The following GRXCR1 variants were observed in gnomAD, a reference collection of about 807,000 sequenced individuals.
GRXCR1 encodes glutaredoxin and cysteine rich domain containing 1.
GRXCR1 carries 27 observed loss-of-function variants against 27.3 expected under a neutral mutation model. That is an observed-to-expected ratio of 0.99 (90% CI 0.73 to 1.37). The LOEUF is 1.37. GRXCR1 is among the 40% of genes most tolerant of loss of function. GRXCR1 has a pLI of 0.00. For synonymous variants in GRXCR1, 122 were observed against 131.1 expected, an observed-to-expected ratio of 0.93 and a Z score of 0.47; for missense variants, 379 against 354.4, an observed-to-expected ratio of 1.07 and a Z score of -0.56.
At chr4:42,896,416 T>G (rs1182739689) in intron 1 of GRXCR1, among the ~76,000 whole-genome samples, 2 of 144,720 alleles carry the variant, frequency 1.4e-5, no homozygotes, top group Non-Finnish European at 3.1e-5. Flanking sequence ...TTAAAGGTAG[T>G]GATGAACCAG....
At chr4:42,999,769 CAG>C (rs899237526) in intron 2 of GRXCR1, among the ~76,000 whole-genome samples, 3 of 152,210 alleles carry the variant, frequency 2.0e-5, no homozygotes, top group African/African-American at 7.2e-5. Flanking sequence ...AATTCACTAA[CAG>C]TATCTAAAAA....
chr4:42,963,006 C>G lies in GRXCR1; in HGVS notation c.499C>G (p.Arg167Gly), dbSNP rs192948915. 1 of 1,612,806 alleles carries G rather than the reference C, an allele frequency of 6.2e-7. No homozygotes were observed. Among genetic ancestry groups the G allele is most frequent in the Non-Finnish European group, 8.5e-7 (1 of 1,179,158 alleles). The stretch of plus-strand genomic sequence containing the variant: ...GGTTAGAAAGATTTTCCAAAACCAT[C>G]GCGTAAAATTTGAAGAGAAAAACAT... The part of the protein sequence containing the change: ...ELVRKIFQNH[R>G]VKFEEKNIAL... The change falls in exon 2 of 4, where the codon CGC becomes GGC. Residue 167 changes from arginine (R) to glycine (G), a missense_variant. By Grantham distance (125) the Arg-to-Gly change is moderately radical. Coordinates refer to ENST00000399770, the MANE Select transcript of GRXCR1 (RefSeq NM_001080476.3).
At chr4:42,996,255 A>G (rs1196619583) in intron 2 of GRXCR1, among the ~76,000 whole-genome samples, 4 of 152,192 alleles carry the variant, frequency 2.6e-5, no homozygotes, top group African/African-American at 9.6e-5. Flanking sequence ...TTGAACATAA[A>G]TAAAGTTACG....
chr4:42,937,633 A>G (rs1747490962), intron 1 of GRXCR1, among the ~76,000 whole-genome samples: 1 of 152,028 alleles, frequency 6.6e-6, no homozygotes, highest in East Asian at 1.9e-4. Flanking sequence ...CCATTACCAC[A>G]TGGATGATTC....
intron 3 of GRXCR1, among the ~76,000 whole-genome samples, chr4:43,025,208 G>T (rs941645416): frequency 1.3e-5 from 2 of 151,684 alleles, no homozygotes; most frequent in African/African-American, 4.8e-5. Flanking sequence ...TGTCGTTTTT[G>T]TCCTTTGTTA....
intron 1 of GRXCR1, among the ~76,000 whole-genome samples, chr4:42,962,336 G>A (rs1010518113): frequency 2.0e-5 from 3 of 151,928 alleles, no homozygotes; most frequent in East Asian, 1.9e-4. Context: ...CTCACTACAT[G>A]TGGGAGCCCT....
At chr4:42,948,835 G>A (rs1747806794) in intron 1 of GRXCR1, among the ~76,000 whole-genome samples, 1 of 152,054 alleles carries the variant, frequency 6.6e-6, no homozygotes, top group South Asian at 2.1e-4. Context: ...ACAGAATGGG[G>A]GACCCTTTAG....
At chr4:42,937,312 G>C (rs551003730) in intron 1 of GRXCR1, among the ~76,000 whole-genome samples, 1 of 150,418 alleles carries the variant, frequency 6.6e-6, no homozygotes, top group African/African-American at 2.5e-5. Flanking sequence ...GTACTTTCTG[G>C]CAATGTAAGA....
chr4:42,893,867 C>T (rs1380486353), intron 1 of GRXCR1, among the ~76,000 whole-genome samples: 4 of 152,170 alleles, frequency 2.6e-5, no homozygotes, highest in Non-Finnish European at 5.9e-5. Context: ...AAATTTCTAA[C>T]ACATAAGTGG....
In GRXCR1 at chr4:42,906,444, A is replaced by G. The variant is rs548241633; in HGVS notation, c.384+12794A>G. Among the ~76,000 whole-genome samples the G allele has an allele frequency of 8.5e-5, 13 of 152,322 alleles. No homozygotes were observed. In the South Asian group the frequency reaches 2.7e-3, roughly 32 times the overall value. The stretch of plus-strand genomic sequence containing the variant: ...TATAAAACACAGTGACTACAGAGCC[A>G]CAGCAGTCATTCCCACAGCTCTTTC... On this transcript the variant is annotated intron_variant, in intron 1 of 3. Transcript: ENST00000399770.
intron 2 of GRXCR1, among the ~76,000 whole-genome samples, chr4:42,992,026 C>T (rs1711991275): frequency 6.6e-6 from 1 of 152,154 alleles, no homozygotes; most frequent in Non-Finnish European, 1.5e-5. Context: ...CTTAAAGCAT[C>T]TGACATGTGG....
At chr4:43,023,737 C>T (rs1014315591) in intron 3 of GRXCR1, among the ~76,000 whole-genome samples, 1 of 152,122 alleles carries the variant, frequency 6.6e-6, no homozygotes, top group African/African-American at 2.4e-5. Context: ...CCCAGGCATA[C>T]ATAAATATTT....
chr4:42,908,267 G>T (rs1014773975), intron 1 of GRXCR1, among the ~76,000 whole-genome samples: 2 of 152,262 alleles, frequency 1.3e-5, no homozygotes, highest in East Asian at 3.9e-4. Flanking sequence ...TGAGTATGAC[G>T]GTATACATGT....
Position 42,984,184 on chromosome 4 carries a change from C to T in GRXCR1, c.627+21050C>T, listed in dbSNP as rs532091348. On this transcript the variant is annotated intron_variant, in intron 2 of 3. Coordinates refer to ENST00000399770, the MANE Select transcript of GRXCR1 (RefSeq NM_001080476.3). Reference sequence around the variant, plus strand: ...TCTATTCTGCTATTAATGCCTCTATCGCATTTTTCATTTTGCTCATTGTAT... The same window carrying T: ...TCTATTCTGCTATTAATGCCTCTATTGCATTTTTCATTTTGCTCATTGTAT... Among the ~76,000 whole-genome samples the T allele has an allele frequency of 2.6e-4, 40 of 152,268 alleles. No homozygotes were observed. The South Asian group carries it at 2.7e-3, about 10-fold the overall frequency.
intron 1 of GRXCR1, among the ~76,000 whole-genome samples, chr4:42,914,741 T>C (rs1383185071): frequency 6.6e-6 from 1 of 152,162 alleles, no homozygotes; most frequent in Admixed American, 6.5e-5. Flanking sequence ...TGAATTGTAA[T>C]AATCCCCATG....
chr4:42,998,020 C>T (rs923991510), intron 2 of GRXCR1, among the ~76,000 whole-genome samples: 2 of 152,138 alleles, frequency 1.3e-5, no homozygotes, highest in African/African-American at 4.8e-5. Flanking sequence ...TTTTTAAAAG[C>T]GTATATTTCT....
At chr4:42,930,091 T>A (rs1472534581) in intron 1 of GRXCR1, among the ~76,000 whole-genome samples, 2 of 152,008 alleles carry the variant, frequency 1.3e-5, no homozygotes, top group Admixed American at 6.6e-5. Flanking sequence ...TGATCAGCCC[T>A]CTTTGCCACA....
intron 2 of GRXCR1, among the ~76,000 whole-genome samples, chr4:42,966,077 A>G (rs1748231441): frequency 6.6e-6 from 1 of 152,090 alleles, no homozygotes; most frequent in African/African-American, 2.4e-5. Context: ...GTAAATCTGC[A>G]CTGCCCTTGG....
chr4:42,987,222 T>TTATATATAATATATA (rs1553943891), intron 2 of GRXCR1, among the ~76,000 whole-genome samples: 2 of 100,592 alleles, frequency 2.0e-5, no homozygotes, highest in African/African-American at 3.8e-5. Context: ...TATATATATA[T>TTATATATAATATATA]TATATATTAT....
Sources: gnomAD v4.1 joint callset for allele counts (sites outside exome capture counted in the v4.1 genomes callset) on GRCh38, gnomAD v4.1.1 for gene constraint, MANE v1.5 for transcripts, NCBI Gene and HGNC (gene_info 2026-07-23, HGNC 2026-07-21) for gene names.